The following CRAT variants were observed in gnomAD, a reference collection of about 807,000 sequenced individuals.
The protein encoded by CRAT is carnitine acetylase.
In CRAT, 66 loss-of-function variants were observed where a neutral mutation model predicts 73.7. The ratio of observed to expected loss-of-function variants is 0.90; its 90% CI spans 0.73 to 1.10. The LOEUF (loss-of-function observed/expected upper bound fraction) is 1.10. Ranked by LOEUF, CRAT falls within the 50% of genes least tolerant of loss-of-function variation. The probability of loss-of-function intolerance (pLI) is 0.00; values close to 1 mark genes in which losing one functional copy is unlikely to be tolerated. For missense variants in CRAT, 745 were observed against 846.9 expected, an observed-to-expected ratio of 0.88 and a Z score of 1.49; for synonymous variants, 321 against 343.2, an observed-to-expected ratio of 0.94 and a Z score of 0.71.
At position 129,095,621 on chromosome 9, in the gene CRAT, G is replaced by A. The variant is rs1404526973; in HGVS notation, c.1666-9C>T. ...TCTGTCTTGGCAGGGACCTGGGGAC[G>A]GCAGGATGAAAGCTCTCAGCTCCCC... On this transcript the variant is annotated splice_polypyrimidine_tract_variant and intron_variant, in intron 13 of 13. Coordinates refer to ENST00000318080, the MANE Select transcript of CRAT (RefSeq NM_000755.5). 3 of 1,610,646 alleles carry A rather than the reference G, an allele frequency of 1.9e-6. No homozygotes were observed. The highest frequency in any genetic ancestry group is 2.5e-6 in the Non-Finnish European group (3 of 1,178,924).
chr9:129,096,088 C>A lies in CRAT; in HGVS notation c.1575G>T (p.Leu525=), dbSNP rs199992155. Reference sequence around the variant, plus strand: ...TGCTCACCAGGTCCTCGATGGCCTGCAGCTTCAGGCCCAGCAGGTGTCGAT... The same window carrying A: ...TGCTCACCAGGTCCTCGATGGCCTGAAGCTTCAGGCCCAGCAGGTGTCGAT... The part of the protein sequence containing the change: ...AFDRHLLGLK[L]QAIEDLVSMP... The change falls in exon 13 of 14, where the codon CTG becomes CTT. Residue 525 remains leucine (L), a synonymous_variant. Coordinates refer to ENST00000318080, the MANE Select transcript of CRAT (RefSeq NM_000755.5). 6.2e-6 allele frequency: 10 copies of A among 1,613,792 alleles called. No homozygotes were observed. The African/African-American group carries it at 1.3e-4, about 22-fold the overall frequency.
Position 129,098,306 on chromosome 9 carries a change from G to A in CRAT, c.1271C>T (p.Ser424Leu), listed in dbSNP as rs150028237. The change falls in exon 10 of 14, where the codon TCG becomes TTG. Residue 424 changes from serine (S) to leucine (L), a missense_variant. Transcript: ENST00000318080. ...GAAGGCATCTGGGCTTAGCTTCTCC[G>A]ACTTGGGGAAGTCTTTTCCAAAATG... ...FHHFGKDFPK[S>L]EKLSPDAFIQ... The A allele has an allele frequency of 2.0e-5, 33 of 1,613,900 alleles. No individual in the cohort carries two copies. Among genetic ancestry groups the A allele is most frequent in the Admixed American group, 8.3e-5 (5 of 60,002 alleles).
At chr9:129,104,480 G>A (rs1385473630) in intron 2 of CRAT, among the ~76,000 whole-genome samples, 174 bp from the exon 3 acceptor site, 2 of 146,940 alleles carry the variant, frequency 1.4e-5, no homozygotes, top group Non-Finnish European at 3.0e-5. Context: ...AAACCCACCA[G>A]CCTCTTCCCT....
intron 5 of CRAT, 27 bp from the exon 6 acceptor site, chr9:129,102,084 AG>A: frequency 6.2e-7 from 1 of 1,608,258 alleles, no homozygotes; most frequent in South Asian, 1.1e-5. Context: ...AGGTAAGAGG[AG>A]GGAGCTGAGT....
intron 12 of CRAT, 113 bp from the exon 13 acceptor site, chr9:129,096,248 C>G (rs1412426355): frequency 3.7e-6 from 5 of 1,355,784 alleles, no homozygotes; most frequent in Middle Eastern, 2.6e-4. Flanking sequence ...CTCAAAACCA[C>G]AAGACCAGAG....
chr9:129,102,658 TCA>T lies in CRAT; in HGVS notation c.465-95_465-94del, dbSNP rs2131468387. 3.6e-6 allele frequency: 5 copies of T among 1,398,218 alleles called. No homozygotes were observed. In the South Asian group the frequency reaches 3.8e-5, roughly 10 times the overall value. 86.6% of individuals were successfully genotyped at this position (1,398,218 alleles called of 1,614,324 possible). ...GGACCTGCTAGGTACTGCTGGGGGC[TCA>T]CACAGTGTCCCTGCTCCCACTCCCA... On this transcript the variant is annotated intron_variant, in intron 4 of 13. Coordinates refer to ENST00000318080, the MANE Select transcript of CRAT (RefSeq NM_000755.5).
intron 13 of CRAT, 45 bp from the exon 14 acceptor site, chr9:129,095,657 C>T (rs774318334): frequency 2.6e-6 from 4 of 1,568,036 alleles, no homozygotes; most frequent in African/African-American, 1.4e-5. Context: ...TACCTTGACG[C>T]CCCCAGCACT....
At position 129,095,483 on chromosome 9, in the gene CRAT, T is replaced by C; in HGVS notation, c.1795A>G (p.Asn599Asp). ...LSAYNSCAET[N>D]AARLAHYLEK... Reference sequence around the variant, plus strand: ...AGGTAATGCGCCAGGCGGGCGGCGTTGGTCTCCGCGCAGCTGTTGTAGGCC... The same window carrying C: ...AGGTAATGCGCCAGGCGGGCGGCGTCGGTCTCCGCGCAGCTGTTGTAGGCC... The change falls in exon 14 of 14, where the codon AAC (asparagine) becomes GAC (aspartate). Residue 599 changes from asparagine to aspartate, a missense_variant. By Grantham distance (23) the Asn-to-Asp change is conservative. Coordinates refer to ENST00000318080, the MANE Select transcript of CRAT (RefSeq NM_000755.5). 1.2e-6 allele frequency: 2 copies of C among 1,613,406 alleles called. No individual in the cohort carries two copies. The highest frequency in any genetic ancestry group is 1.1e-5 in the South Asian group (1 of 91,086).
rs1847739599 is a variant in CRAT at position 129,102,453 on chromosome 9, A to G, written c.577T>C (p.Phe193Leu). ...GTGGGAGGCTTCTTGGTCTTGCTGA[A>G]GTTGCTGACTGTGTCCTGCTTGGGG... ...PGPKQDTVSNFSKTKKPPTHI... is the reference protein window; with the variant it reads ...PGPKQDTVSNLSKTKKPPTHI... Residue 193 changes from phenylalanine (F) to leucine (L), a missense_variant, in exon 5 of 14, where the codon TTC (phenylalanine) becomes CTC (leucine). Phe to Leu is a conservative substitution (Grantham distance 22, BLOSUM62 0). Coordinates refer to ENST00000318080, the MANE Select transcript of CRAT (RefSeq NM_000755.5). 2.5e-6 allele frequency: 4 copies of G among 1,614,140 alleles called. No individual in the cohort carries two copies. Among genetic ancestry groups the G allele is most frequent in the Non-Finnish European group, 3.4e-6 (4 of 1,180,000 alleles).
Position 129,095,491 on chromosome 9 carries a change from G to T in CRAT, c.1787C>A (p.Ala596Glu). 1 of 1,613,494 alleles carries T rather than the reference G, an allele frequency of 6.2e-7. No individual in the cohort carries two copies. The highest frequency in any genetic ancestry group is 1.1e-5 in the South Asian group (1 of 91,090). Reference sequence around the variant, plus strand: ...CGCCAGGCGGGCGGCGTTGGTCTCCGCGCAGCTGTTGTAGGCCGACAGGGA... The same window carrying T: ...CGCCAGGCGGGCGGCGTTGGTCTCCTCGCAGCTGTTGTAGGCCGACAGGGA... ...NFSLSAYNSC[A>E]ETNAARLAHY... The change falls in exon 14 of 14, where the codon GCG (alanine) becomes GAG (glutamate). Residue 596 changes from alanine (A) to glutamate (E), a missense_variant. Physicochemically the swap from Ala to Glu is moderately radical, Grantham distance 107 (BLOSUM62 -1). Transcript: ENST00000318080.
At chr9:129,104,839 C>T (rs867402113) in intron 2 of CRAT, among the ~76,000 whole-genome samples, 1 of 149,834 alleles carries the variant, frequency 6.7e-6, no homozygotes, top group Non-Finnish European at 1.5e-5. Context: ...TTCCTGACCT[C>T]ATGATCCGCC....
Position 129,095,409 on chromosome 9 carries a change from C to T in CRAT, c.1869G>A (p.Arg623=). 6.2e-7 allele frequency: 1 copy of T among 1,611,200 alleles called. No homozygotes were observed. The highest frequency in any genetic ancestry group is 8.5e-7 in the Non-Finnish European group (1 of 1,179,942). ...DMRALLQSHP[R]AKL is the part of the protein sequence containing the mutation. ...GAGTCCTAGGGGCTCAGAGCTTGGC[C>T]CGGGGGTGGCTCTGCAGCAGGGCAC... Residue 623 remains arginine (R), a synonymous_variant, in exon 14 of 14, where the codon CGG becomes CGA. Coordinates refer to ENST00000318080, the MANE Select transcript of CRAT (RefSeq NM_000755.5).
chr9:129,100,711 G>GA (rs746490600), intron 6 of CRAT, 22 bp from the exon 7 acceptor site: 77 of 1,606,300 alleles, frequency 4.8e-5, no homozygotes, highest in Non-Finnish European at 3.4e-6. Flanking sequence ...ATGGGGCGGG[G>GA]AGACGCAAAA....
chr9:129,106,791 G>A lies in CRAT; in HGVS notation c.291+1023C>T, dbSNP rs977607923. On this transcript the variant is annotated intron_variant, in intron 2 of 13. Coordinates refer to ENST00000318080, the MANE Select transcript of CRAT (RefSeq NM_000755.5). This position sits in a 1 kb window ranked among gnomAD's most constrained non-coding sequence, Gnocchi z 4.0. ...CTATAACACAGCATTTCCCAGGGCC[G>A]GACCCGCTCTGGCTCTCCCACAGGT... is the stretch of plus-strand genomic sequence containing the variant. 6.6e-6 allele frequency among the ~76,000 whole-genome samples: 1 copy of A among 151,918 alleles called. No homozygotes were observed. Among genetic ancestry groups the A allele is most frequent in the African/African-American group, 2.4e-5 (1 of 41,330 alleles).
intron 1 of CRAT, chr9:129,109,246 G>A (rs1406788147): frequency 1.1e-5 from 14 of 1,304,076 alleles, no homozygotes; most frequent in African/African-American, 3.0e-5. Context: ...CTGCCTGGCC[G>A]CTGAGGTTAC....
chr9:129,104,082 C>T, intron 3 of CRAT, 106 bp downstream of exon 3: 1 of 696,138 alleles, frequency 1.4e-6, no homozygotes, highest in Non-Finnish European at 2.5e-6. Context: ...CATAAGGCTG[C>T]TTGTGGGGCA....
At position 129,099,861 on chromosome 9, in the gene CRAT, C is replaced by G. The variant is rs1328555143; in HGVS notation, c.1085+5G>C. 4.4e-6 allele frequency: 7 copies of G among 1,608,502 alleles called. No individual in the cohort carries two copies. Among genetic ancestry groups the G allele is most frequent in the Non-Finnish European group, 6.0e-6 (7 of 1,175,788 alleles). On this transcript the variant is annotated splice_donor_5th_base_variant and intron_variant, in intron 8 of 13. Transcript: ENST00000318080. ...GAACTAGGCGAGAGATGTGACTGTACTCACGTGTACTCGATGACATAGTCC... is the reference window on the plus strand; with the variant it reads ...GAACTAGGCGAGAGATGTGACTGTAGTCACGTGTACTCGATGACATAGTCC...
At position 129,103,111 on chromosome 9, in the gene CRAT, G is replaced by A; in HGVS notation, c.411-45C>T. Reference sequence around the variant, plus strand: ...ATTAGAAGCTGCGTGGACACCCTGAGGGAGGCCCCGGGCTAGGGACACCTG... The same window carrying A: ...ATTAGAAGCTGCGTGGACACCCTGAAGGAGGCCCCGGGCTAGGGACACCTG... On this transcript the variant is annotated intron_variant, in intron 3 of 13. Coordinates refer to ENST00000318080, the MANE Select transcript of CRAT (RefSeq NM_000755.5). This position sits in a 1 kb window ranked among gnomAD's most constrained non-coding sequence, Gnocchi z 4.6. 6.5e-7 allele frequency: 1 copy of A among 1,547,382 alleles called. No individual in the cohort carries two copies. Among genetic ancestry groups the A allele is most frequent in the Non-Finnish European group, 8.9e-7 (1 of 1,119,446 alleles).
In CRAT at chr9:129,101,894, G is replaced by T. The variant is rs367866636; in HGVS notation, c.794C>A (p.Thr265Asn). ...CCCCCAAGAGGCACCTTTGATGAGG[G>T]TGTTGTATGCCTTGGCCCAGGAGTT... ...HRNSWAKAYN[T>N]LIKDKVNRDS... is the part of the protein sequence containing the mutation. The change falls in exon 6 of 14, where the codon ACC becomes AAC. Residue 265 changes from threonine (T) to asparagine (N), a missense_variant. By Grantham distance (65) the Thr-to-Asn change is moderately conservative. Coordinates refer to ENST00000318080, the MANE Select transcript of CRAT (RefSeq NM_000755.5). 1.3e-4 allele frequency: 210 copies of T among 1,613,832 alleles called. No individual in the cohort carries two copies. The highest frequency in any genetic ancestry group is 2.0e-4 in the Admixed American group (12 of 60,004).
Sources: allele counts gnomAD v4.1 joint callset (sites outside exome capture counted in the v4.1 genomes callset), GRCh38; gene constraint gnomAD v4.1.1; non-coding constraint Gnocchi (gnomAD v3.1); transcripts MANE v1.5; gene names NCBI Gene and HGNC (gene_info 2026-07-23, HGNC 2026-07-21).